The following ARHGAP42 variants were observed in gnomAD, a reference collection of about 807,000 sequenced individuals.
ARHGAP42 encodes the protein Rho GTPase activating protein 42.
A neutral mutation model predicts 125.0 loss-of-function variants in ARHGAP42; 63 were observed. The ratio of observed to expected loss-of-function variants is 0.50; its 90% CI spans 0.41 to 0.62. The LOEUF is 0.62. ARHGAP42 is among the 20% of genes least tolerant of loss of function. The probability of loss-of-function intolerance (pLI) is 0.00; values close to 1 mark genes in which losing one functional copy is unlikely to be tolerated. For synonymous variants in ARHGAP42, 339 were observed against 351.0 expected (o/e 0.97, Z 0.38); for missense variants, 766 against 1,024.2 (o/e 0.75, Z 3.44).
At position 100,990,986 on chromosome 11, in the gene ARHGAP42, T is replaced by A. The variant is rs1373697029; in HGVS notation, c.*2185T>A. 1 of 152,184 alleles carries A rather than the reference T, an allele frequency of 6.6e-6. No individual in the cohort carries two copies. The highest frequency in any genetic ancestry group is 1.9e-4 in the East Asian group (1 of 5,194). The allele number at this position is 152,184 out of a possible 1,614,324, so 9.4% of individuals were successfully genotyped here. A position where few individuals can be genotyped will look rare whatever the true frequency, so the allele number is the denominator to read the frequency against. Reference sequence around the variant, plus strand: ...ATTCTGCAGATGTTCCATTCAGATTTAAAGCTTTTTTACTGCATAGGATGT... The same window carrying A: ...ATTCTGCAGATGTTCCATTCAGATTAAAAGCTTTTTTACTGCATAGGATGT... On this transcript the variant is annotated 3_prime_UTR_variant, in exon 24 of 24. Transcript: ENST00000298815.
At chr11:100,692,983 C>G (rs1320591315) in intron 1 of ARHGAP42, among the ~76,000 whole-genome samples, 1 of 152,074 alleles carries the variant, frequency 6.6e-6, no homozygotes, top group African/African-American at 2.4e-5. Context: ...GTTCAGGGCC[C>G]ACTTAGCTAC....
intron 4 of ARHGAP42, among the ~76,000 whole-genome samples, chr11:100,895,093 G>A (rs1038399627): frequency 1.3e-5 from 2 of 152,160 alleles, no homozygotes; most frequent in African/African-American, 4.8e-5. Flanking sequence ...TCATTTCATC[G>A]TGCTTTCTTA....
chr11:100,959,911 T>C lies in ARHGAP42; in HGVS notation c.1191T>C (p.Phe397=). 1.3e-6 allele frequency: 2 copies of C among 1,551,496 alleles called. No homozygotes were observed. The highest frequency in any genetic ancestry group is 8.7e-7 in the Non-Finnish European group (1 of 1,146,586). The change falls in exon 13 of 24, where the codon TTT becomes TTC. Residue 397 remains phenylalanine, a synonymous_variant. Transcript: ENST00000298815. The part of the protein sequence containing the change: ...EMYLNEAGFN[F]VRKCIQAVET... ...ATTTGAATGAAGCAGGGTTCAACTTTGTGAGAAAATGCATTCAAGCTGTGG... is the reference window on the plus strand; with the variant it reads ...ATTTGAATGAAGCAGGGTTCAACTTCGTGAGAAAATGCATTCAAGCTGTGG...
chr11:100,943,349 C>T (rs1160091779), intron 9 of ARHGAP42, among the ~76,000 whole-genome samples: 1 of 151,950 alleles, frequency 6.6e-6, no homozygotes, highest in Non-Finnish European at 1.5e-5. Context: ...AATCTCTTTG[C>T]AATCCAGGGA....
chr11:100,749,244 C>T (rs556952310), intron 1 of ARHGAP42, among the ~76,000 whole-genome samples: 1 of 152,270 alleles, frequency 6.6e-6, no homozygotes, highest in South Asian at 2.1e-4. Context: ...CCAGGGGTAT[C>T]TTGCCTTGCC....
chr11:100,955,231 AG>A (rs11343438), intron 12 of ARHGAP42, among the ~76,000 whole-genome samples: 133,749 of 151,724 alleles, frequency 0.88, 59,039 homozygotes, highest in East Asian at 1. Flanking sequence ...CAGTTTACAG[AG>A]GGGGAAAAAA....
intron 4 of ARHGAP42, among the ~76,000 whole-genome samples, chr11:100,909,050 A>G (rs1826561334): frequency 6.6e-6 from 1 of 152,100 alleles, no homozygotes; most frequent in Admixed American, 6.6e-5. Flanking sequence ...GTATCTATTC[A>G]TATCCTCTGC....
intron 11 of ARHGAP42, 58 bp downstream of exon 11, chr11:100,948,593 T>G (rs1455788912): frequency 7.6e-7 from 1 of 1,321,592 alleles, no homozygotes. Context: ...TTATAATGTA[T>G]GGAAATTCTT....
intron 12 of ARHGAP42, among the ~76,000 whole-genome samples, chr11:100,958,877 AT>A (rs1308083344): frequency 2.0e-5 from 3 of 151,352 alleles, no homozygotes; most frequent in Non-Finnish European, 2.9e-5. Flanking sequence ...TGTGCCTAGA[AT>A]TTTTTTCAGT....
At chr11:100,773,118 T>A (rs1262934518) in intron 2 of ARHGAP42, among the ~76,000 whole-genome samples, 1 of 152,238 alleles carries the variant, frequency 6.6e-6, no homozygotes, top group Non-Finnish European at 1.5e-5. Flanking sequence ...ATTACAGGTG[T>A]GAATCACCAT....
intron 4 of ARHGAP42, among the ~76,000 whole-genome samples, chr11:100,897,700 G>A (rs1866401247): frequency 6.6e-6 from 1 of 152,216 alleles, no homozygotes; most frequent in African/African-American, 2.4e-5. Flanking sequence ...TGTATCCTGA[G>A]ACTTTGCTGA....
In ARHGAP42 at chr11:100,802,843, T is replaced by C. The variant is rs372751477; in HGVS notation, c.312+7677T>C. On this transcript the variant is annotated intron_variant, in intron 3 of 23. Coordinates refer to ENST00000298815, the MANE Select transcript of ARHGAP42 (RefSeq NM_152432.4). Reference sequence around the variant, plus strand: ...GAACTTACAGCTTTGTCCTTTCCTCTGCCTTGAACATCCTCATCCATATCC... The same window carrying C: ...GAACTTACAGCTTTGTCCTTTCCTCCGCCTTGAACATCCTCATCCATATCC... Among the ~76,000 whole-genome samples the C allele has an allele frequency of 3.3e-5, 5 of 152,194 alleles. No homozygotes were observed. In the East Asian group the frequency reaches 5.8e-4, roughly 18 times the overall value.
rs1003257955 is a variant in ARHGAP42 at position 100,993,225 on chromosome 11, G to A, written c.*4424G>A. On this transcript the variant is annotated 3_prime_UTR_variant, in exon 24 of 24. Transcript: ENST00000298815. ...CCAGAGTTGACAACAACTCAATTTT[G>A]CCTTGAATTTACTCAGTCTTATAAA... 6.0e-6 allele frequency: 1 copy of A among 167,016 alleles called. No homozygotes were observed. Among genetic ancestry groups the A allele is most frequent in the Non-Finnish European group, 1.5e-5 (1 of 68,334 alleles). 10.3% of individuals were successfully genotyped at this position (167,016 alleles called of 1,614,324 possible). A position where few individuals can be genotyped will look rare whatever the true frequency, so the allele number is the denominator to read the frequency against.
At chr11:100,903,709 A>AAAAAAAAAAAAAAT (rs1332890022) in intron 4 of ARHGAP42, among the ~76,000 whole-genome samples, 70 of 63,470 alleles carry the variant, frequency 1.1e-3, no homozygotes, top group South Asian at 1.7e-3. Flanking sequence ...TGTCCCTCAA[A>AAAAAAAAAAAAAAT]ATATATATAT....
chr11:100,826,517 C>G (rs558765046), intron 3 of ARHGAP42, among the ~76,000 whole-genome samples: 1 of 152,272 alleles, frequency 6.6e-6, no homozygotes, highest in East Asian at 1.9e-4. Flanking sequence ...GTGTTCTTCT[C>G]TCATGTACCA....
intron 5 of ARHGAP42, 41 bp from the exon 6 acceptor site, chr11:100,921,453 T>C (rs1232775390): frequency 4.3e-6 from 6 of 1,402,176 alleles, no homozygotes; most frequent in South Asian, 1.3e-5. Flanking sequence ...TCCCTCTCTA[T>C]GTAGAACCAT....
chr11:100,961,668 G>A lies in ARHGAP42; in HGVS notation c.1301-16G>A. The stretch of plus-strand genomic sequence containing the variant: ...TTGAACTGCACAATTTAAACACCTT[G>A]TTTTATTCTTTCCAGCTCCTAAATC... On this transcript the variant is annotated splice_polypyrimidine_tract_variant and intron_variant, in intron 14 of 23. Coordinates refer to ENST00000298815, the MANE Select transcript of ARHGAP42 (RefSeq NM_152432.4). 6.5e-7 allele frequency: 1 copy of A among 1,548,228 alleles called. No individual in the cohort carries two copies. Among genetic ancestry groups the A allele is most frequent in the Non-Finnish European group, 8.7e-7 (1 of 1,144,544 alleles).
chr11:100,707,166 T>A (rs1002917674), intron 1 of ARHGAP42, among the ~76,000 whole-genome samples: 1 of 152,236 alleles, frequency 6.6e-6, no homozygotes, highest in Non-Finnish European at 1.5e-5. Context: ...ATTTTAGTTG[T>A]TTCTTCTAAT....
chr11:100,805,196 T>C (rs555260676), intron 3 of ARHGAP42, among the ~76,000 whole-genome samples: 64 of 152,362 alleles, frequency 4.2e-4, no homozygotes, highest in African/African-American at 1.5e-3. Flanking sequence ...ACATAACTAA[T>C]ACGTGGTACC....
Sources: allele counts gnomAD v4.1 joint callset (sites outside exome capture counted in the v4.1 genomes callset), GRCh38; gene constraint gnomAD v4.1.1; transcripts MANE v1.5; gene names NCBI Gene and HGNC (gene_info 2026-07-23, HGNC 2026-07-21).